The following NSD2 variants were observed in gnomAD, a reference collection of about 807,000 sequenced individuals.
NSD2 encodes the protein nuclear receptor binding SET domain protein 2.
A neutral mutation model predicts 139.0 loss-of-function variants in NSD2; 12 were observed. The observed-to-expected ratio is 0.09, with a 90% confidence interval of 0.06 to 0.14. The LOEUF (loss-of-function observed/expected upper bound fraction) is 0.14. NSD2 is among the 10% of genes least tolerant of loss of function. NSD2 has a pLI of 1.00. For missense variants in NSD2, 1,155 were observed against 1,745.0 expected (o/e 0.66, Z 6.02); for synonymous variants, 669 against 648.7 (o/e 1.03, Z -0.48).
chr4:1,945,009 A>T, intron 9 of NSD2: 1 of 1,065,242 alleles, frequency 9.4e-7, no homozygotes, highest in Non-Finnish European at 1.1e-6. Context: ...CGTGAAAGGC[A>T]GAGGGTGACT....
chr4:1,957,915 A>C lies in NSD2; in HGVS notation c.2882-18A>C. 6.2e-7 allele frequency: 1 copy of C among 1,611,658 alleles called. No homozygotes were observed. On this transcript the variant is annotated intron_variant, in intron 15 of 21. Transcript: ENST00000508803. Reference sequence around the variant, plus strand: ...TGTATTTACTAAAATCTTTACTCCTATTTCATTGACTTTTTAGCACTGCAA... The same window carrying C: ...TGTATTTACTAAAATCTTTACTCCTCTTTCATTGACTTTTTAGCACTGCAA...
intron 1 of NSD2, among the ~76,000 whole-genome samples, chr4:1,872,748 A>G (rs1713966259): frequency 6.6e-6 from 1 of 152,096 alleles, no homozygotes; most frequent in Non-Finnish European, 1.5e-5. Context: ...TGATTTTTAA[A>G]TGAGTTAAAC....
intron 1 of NSD2, among the ~76,000 whole-genome samples, chr4:1,880,355 T>G (rs1714611772): frequency 7.1e-6 from 1 of 141,614 alleles, no homozygotes; most frequent in South Asian, 2.1e-4. Flanking sequence ...GGAACTTACT[T>G]TGTTTTGCCT....
chr4:1,881,510 G>A (rs979220187), intron 1 of NSD2, among the ~76,000 whole-genome samples: 3 of 152,062 alleles, frequency 2.0e-5, no homozygotes, highest in South Asian at 2.1e-4. Context: ...TGATCCACCC[G>A]CCTCGGCCTC....
intron 12 of NSD2, 100 bp downstream of exon 12, chr4:1,953,624 G>T: frequency 7.1e-7 from 1 of 1,418,362 alleles, no homozygotes; most frequent in South Asian, 1.4e-5. Flanking sequence ...TGTCACCAAA[G>T]AGCATTAATT....
chr4:1,976,418 A>G lies in NSD2; in HGVS notation c.3622-57A>G, dbSNP rs1352210729. The G allele has an allele frequency of 8.9e-6, 14 of 1,569,778 alleles. No homozygotes were observed. The highest frequency in any genetic ancestry group is 4.6e-5 in the East Asian group (2 of 43,846). On this transcript the variant is annotated intron_variant, in intron 20 of 21. Coordinates refer to ENST00000508803, the MANE Select transcript of NSD2 (RefSeq NM_001042424.3). This position sits in a 1 kb window ranked among gnomAD's most constrained non-coding sequence, Gnocchi z 5.3. ...GGAGTGTAGCTCGCTCTTCTGCCCT[A>G]TTTGCTTCAGCCTGTGTAATTCTTT...
At chr4:1,911,132 T>C (rs1286049480) in intron 3 of NSD2, among the ~76,000 whole-genome samples, 1 of 152,112 alleles carries the variant, frequency 6.6e-6, no homozygotes, top group African/African-American at 2.4e-5. Flanking sequence ...AGTCACAAAC[T>C]ACCTGTAGTC....
chr4:1,896,691 C>A (rs1000489391), intron 1 of NSD2, among the ~76,000 whole-genome samples: 2 of 141,576 alleles, frequency 1.4e-5, no homozygotes, highest in East Asian at 3.9e-4. Flanking sequence ...CCTTCCTTCC[C>A]GAACTCTTCC....
At chr4:1,898,565 G>A (rs905166716) in intron 1 of NSD2, among the ~76,000 whole-genome samples, 3 of 151,700 alleles carry the variant, frequency 2.0e-5, no homozygotes, top group African/African-American at 7.3e-5. Context: ...TCAGGAGGGT[G>A]AGGCAGGAGA....
At chr4:1,875,350 C>T (rs577387143) in intron 1 of NSD2, among the ~76,000 whole-genome samples, 8 of 147,842 alleles carry the variant, frequency 5.4e-5, no homozygotes, top group African/African-American at 7.5e-5. Flanking sequence ...CATATGATCA[C>T]GGCTCATTGC....
At chr4:1,947,997 G>C in intron 9 of NSD2, 2 of 1,056,716 alleles carry the variant, frequency 1.9e-6, no homozygotes, top group Non-Finnish European at 2.3e-6. Context: ...TGTTCACTAG[G>C]TTCCGTTATG....
intron 1 of NSD2, among the ~76,000 whole-genome samples, chr4:1,898,671 AC>A (rs1212687475): frequency 3.4e-5 from 5 of 146,562 alleles, no homozygotes; most frequent in African/African-American, 1.1e-4. Flanking sequence ...AAAAAAAAAA[AC>A]AAAAAACAAA....
chr4:1,877,387 C>T (rs1298127238), intron 1 of NSD2, among the ~76,000 whole-genome samples: 3 of 152,142 alleles, frequency 2.0e-5, no homozygotes, highest in Admixed American at 6.6e-5. Context: ...GGGTTCAAGA[C>T]GAGTCTCTCA....
intron 1 of NSD2, among the ~76,000 whole-genome samples, chr4:1,875,673 C>T (rs371576678): frequency 6.6e-5 from 10 of 151,818 alleles, no homozygotes; most frequent in African/African-American, 1.2e-4. Context: ...GAGGCCGAGG[C>T]GGTTGGATCA....
chr4:1,953,317 T>C lies in NSD2; in HGVS notation c.2138-7T>C, dbSNP rs1010025665. The C allele has an allele frequency of 6.2e-7, 1 of 1,614,254 alleles. No individual in the cohort carries two copies. Among genetic ancestry groups the C allele is most frequent in the Non-Finnish European group, 8.5e-7 (1 of 1,180,042 alleles). On this transcript the variant is annotated splice_polypyrimidine_tract_variant and splice_region_variant and intron_variant, in intron 11 of 21. Transcript: ENST00000508803. Reference sequence around the variant, plus strand: ...CTCTCTCCACCCCTTCTTTAACTTTTTGTTAGGGATTCACTCATGTTTCGT... The same window carrying C: ...CTCTCTCCACCCCTTCTTTAACTTTCTGTTAGGGATTCACTCATGTTTCGT...
At chr4:1,960,909 C>A in intron 17 of NSD2, 126 bp from the exon 18 acceptor site, 1 of 634,968 alleles carries the variant, frequency 1.6e-6, no homozygotes, top group Non-Finnish European at 2.9e-6. Context: ...TTGTACACGC[C>A]CTCCACGGAG....
In NSD2 at chr4:1,955,081, C is replaced by G. The variant is rs1473261485; in HGVS notation, c.2339-80C>G. On this transcript the variant is annotated intron_variant, in intron 12 of 21. Transcript: ENST00000508803. The surrounding 1 kb of genome is among the most constrained non-coding windows in gnomAD (Gnocchi z 4.7). The stretch of plus-strand genomic sequence containing the variant: ...CATTAACTTTTCAAATTCATGGAGG[C>G]TGAGTAATTATTAGTTGCTCTTTTC... The G allele has an allele frequency of 7.1e-7, 1 of 1,399,184 alleles. No individual in the cohort carries two copies. The highest frequency in any genetic ancestry group is 9.7e-7 in the Non-Finnish European group (1 of 1,029,376). 86.7% of individuals were successfully genotyped at this position (1,399,184 alleles called of 1,614,324 possible). A position where few individuals can be genotyped will look rare whatever the true frequency, so the allele number is the denominator to read the frequency against.
At chr4:1,937,690 A>G (rs1722566797) in intron 7 of NSD2, among the ~76,000 whole-genome samples, 1 of 152,092 alleles carries the variant, frequency 6.6e-6, no homozygotes, top group Admixed American at 6.5e-5. Flanking sequence ...TCTGGATTCC[A>G]CCTCACCGCA....
chr4:1,977,395 C>T (rs140076393), intron 21 of NSD2, among the ~76,000 whole-genome samples: 273 of 152,340 alleles, frequency 1.8e-3, no homozygotes, highest in African/African-American at 6.2e-3. Flanking sequence ...CAGCCACCTC[C>T]GTTACAATCT....
Sources: allele counts gnomAD v4.1 joint callset (sites outside exome capture counted in the v4.1 genomes callset), GRCh38; gene constraint gnomAD v4.1.1; non-coding constraint Gnocchi (gnomAD v3.1); transcripts MANE v1.5; gene names NCBI Gene and HGNC (gene_info 2026-07-23, HGNC 2026-07-21).